ANK3: variants seen among roughly 807,000 people sequenced by gnomAD.
The protein encoded by ANK3 is ankyrin-3.
A neutral mutation model predicts 370.9 loss-of-function variants in ANK3; 57 were observed. The ratio of observed to expected loss-of-function variants is 0.15; its 90% CI spans 0.12 to 0.19. ANK3 has a LOEUF of 0.19. Among genes scored for constraint, ANK3 ranks in the 10% least tolerant of loss-of-function variants. The pLI, the probability that ANK3 is intolerant of heterozygous loss-of-function variation, is 1.00. For missense variants in ANK3, 4,439 were observed against 5,302.1 expected (o/e 0.84, Z 5.06); for synonymous variants, 1,929 against 1,946.3 (o/e 0.99, Z 0.23).
intron 1 of ANK3, among the ~76,000 whole-genome samples, chr10:60,623,196 T>A (rs2078361701): frequency 6.6e-6 from 1 of 152,138 alleles, no homozygotes; most frequent in Non-Finnish European, 1.5e-5. Context: ...TGAAGAGGAA[T>A]AAGGTACGAT....
intron 42 of ANK3, among the ~76,000 whole-genome samples, chr10:60,054,481 C>T (rs1440610875): frequency 1.3e-5 from 2 of 152,098 alleles, no homozygotes; most frequent in African/African-American, 4.8e-5. Flanking sequence ...CAACTGATTA[C>T]CACCACCAAA....
At chr10:60,203,911 T>G (rs1387732215) in intron 11 of ANK3, among the ~76,000 whole-genome samples, 1 of 152,244 alleles carries the variant, frequency 6.6e-6, no homozygotes, top group Non-Finnish European at 1.5e-5. Flanking sequence ...TCGTGCTTTT[T>G]ATATGAAATG....
chr10:60,233,049 T>C (rs1024350238), intron 8 of ANK3, among the ~76,000 whole-genome samples: 3 of 152,202 alleles, frequency 2.0e-5, no homozygotes, highest in African/African-American at 7.2e-5. Flanking sequence ...TGAGACCATC[T>C]TTTGATTAGA....
intron 2 of ANK3, among the ~76,000 whole-genome samples, chr10:60,469,180 T>C (rs868350104): frequency 9.6e-6 from 1 of 104,658 alleles, no homozygotes; most frequent in African/African-American, 3.6e-5. Flanking sequence ...TATATATATA[T>C]ATACACCACT....
intron 2 of ANK3, among the ~76,000 whole-genome samples, chr10:60,554,630 G>C (rs752028005): frequency 6.6e-6 from 1 of 152,076 alleles, no homozygotes; most frequent in South Asian, 2.1e-4. Flanking sequence ...TCCAAACTTC[G>C]TCCAATAGAT....
chr10:60,275,832 AT>A (rs1406159479), intron 4 of ANK3, among the ~76,000 whole-genome samples: 2 of 152,206 alleles, frequency 1.3e-5, no homozygotes, highest in African/African-American at 2.4e-5. Flanking sequence ...TTCAGTTGGT[AT>A]TTTATATTAT....
At chr10:60,514,991 T>C (rs188929965) in intron 2 of ANK3, among the ~76,000 whole-genome samples, 50 of 152,234 alleles carry the variant, frequency 3.3e-4, no homozygotes, top group Middle Eastern at 3.4e-3. Flanking sequence ...TTAAAAAATA[T>C]ACTATTGCCA....
chr10:60,385,541 T>G (rs569680990), intron 1 of ANK3, among the ~76,000 whole-genome samples: 1 of 152,226 alleles, frequency 6.6e-6, no homozygotes, highest in Admixed American at 6.5e-5. Flanking sequence ...TCCACAGAAG[T>G]CACTTAATAA....
rs1224042818 is a variant in ANK3 at position 60,504,941 on chromosome 10, C to G, written c.96+110245G>C. Among the ~76,000 whole-genome samples the G allele has an allele frequency of 5.3e-5, 8 of 152,096 alleles. No individual in the cohort carries two copies. The East Asian group carries it at 1.5e-3, about 29-fold the overall frequency. ...GCCATAAGGGAAACTTGAATGTAAA[C>G]TAGGGATTAGAGCATATGAAGGGAT... On this transcript the variant is annotated intron_variant, in intron 2 of 43. Transcript: ENST00000373827.
At chr10:60,248,217 C>T (rs141398167) in intron 7 of ANK3, among the ~76,000 whole-genome samples, 4 of 152,270 alleles carry the variant, frequency 2.6e-5, no homozygotes, top group Non-Finnish European at 4.4e-5. Flanking sequence ...CTGGATCATA[C>T]GTTAACTGTA....
At chr10:60,471,601 A>T (rs577212251) in intron 2 of ANK3, among the ~76,000 whole-genome samples, 121 of 152,278 alleles carry the variant, frequency 7.9e-4, no homozygotes, top group Admixed American at 1.5e-3. Flanking sequence ...TACTGGATAC[A>T]TTCATAGCAG....
intron 23 of ANK3, among the ~76,000 whole-genome samples, chr10:60,151,131 A>G (rs185619567): frequency 1.6e-3 from 244 of 152,344 alleles, no homozygotes; most frequent in Non-Finnish European, 2.3e-3. Context: ...AGAAGTAACA[A>G]AGATACAGCA....
intron 2 of ANK3, among the ~76,000 whole-genome samples, chr10:60,430,991 C>T (rs112300602): frequency 5.3e-5 from 8 of 152,170 alleles, no homozygotes; most frequent in Non-Finnish European, 1.0e-4. Flanking sequence ...ACCTTTTTGG[C>T]ACCAGGAACT....
chr10:60,415,775 T>C (rs887783838), intron 2 of ANK3, among the ~76,000 whole-genome samples: 2 of 151,990 alleles, frequency 1.3e-5, no homozygotes. Flanking sequence ...GCAAAGAAAA[T>C]AGTACCTGAC....
chr10:60,558,187 G>C (rs552362997), intron 2 of ANK3, among the ~76,000 whole-genome samples: 11 of 152,098 alleles, frequency 7.2e-5, no homozygotes, highest in Non-Finnish European at 1.2e-4. Context: ...ACCCATAAGG[G>C]TCACAAGTAT....
At chr10:60,700,472 A>G (rs1459952975) in intron 1 of ANK3, among the ~76,000 whole-genome samples, 1 of 152,150 alleles carries the variant, frequency 6.6e-6, no homozygotes, top group Non-Finnish European at 1.5e-5. Flanking sequence ...TTAGACGTCA[A>G]TTCTGAAGTT....
At chr10:60,695,243 T>A (rs1213434651) in intron 1 of ANK3, among the ~76,000 whole-genome samples, 4 of 152,132 alleles carry the variant, frequency 2.6e-5, no homozygotes, top group Admixed American at 1.3e-4. Context: ...GCACCCAGAT[T>A]CATAAAGCAA....
chr10:60,220,902 C>T (rs1278458507), intron 8 of ANK3, among the ~76,000 whole-genome samples: 2 of 152,178 alleles, frequency 1.3e-5, no homozygotes, highest in Non-Finnish European at 2.9e-5. Context: ...TGTGCTCACA[C>T]AGAAAAATAA....
intron 2 of ANK3, among the ~76,000 whole-genome samples, chr10:60,444,185 T>C (rs1234832838): frequency 6.6e-6 from 1 of 152,130 alleles, no homozygotes; most frequent in Non-Finnish European, 1.5e-5. Flanking sequence ...TTATTGTGTA[T>C]CACTAGCACT....
Sources: allele counts gnomAD v4.1 joint callset (sites outside exome capture counted in the v4.1 genomes callset), GRCh38; gene constraint gnomAD v4.1.1; transcripts MANE v1.5; gene names NCBI Gene and HGNC (gene_info 2026-07-23, HGNC 2026-07-21).